Variants in CCSER1 observed in about 807,000 individuals in gnomAD.
CCSER1 encodes the protein coiled-coil serine rich protein 1, also known as serine-rich coiled-coil domain-containing protein 1.
CCSER1 carries 41 observed loss-of-function variants against 82.0 expected under a neutral mutation model. That is an observed-to-expected ratio of 0.50 (90% CI 0.39 to 0.65). The LOEUF (loss-of-function observed/expected upper bound fraction) is 0.65. Ranked by LOEUF, CCSER1 falls within the 30% of genes least tolerant of loss-of-function variation. CCSER1 has a pLI of 0.00. For synonymous variants in CCSER1, 414 were observed against 383.9 expected, an observed-to-expected ratio of 1.08 and a Z score of -0.92; for missense variants, 1,119 against 1,064.2, an observed-to-expected ratio of 1.05 and a Z score of -0.72.
At chr4:90,219,518 T>G (rs1741731039) in intron 1 of CCSER1, among the ~76,000 whole-genome samples, 1 of 152,208 alleles carries the variant, frequency 6.6e-6, no homozygotes, top group Non-Finnish European at 1.5e-5. Context: ...GTTGTCGCCT[T>G]CAAATCTACA....
In CCSER1 at chr4:91,238,384, C is replaced by T. The variant is rs534928055; in HGVS notation, c.2217+152390C>T. Among the ~76,000 whole-genome samples, 5 of 152,224 alleles carry T rather than the reference C, an allele frequency of 3.3e-5. 1 individual carries two copies. In the South Asian group the frequency reaches 1.0e-3, roughly 32 times the overall value. ...CGCTGCAAAAAAAAATGAATTTTCC[C>T]AAAGACATGAGGATGTAAATGCACT... On this transcript the variant is annotated intron_variant, in intron 10 of 10. Coordinates refer to ENST00000509176, the MANE Select transcript of CCSER1 (RefSeq NM_001145065.2).
At chr4:90,736,603 A>C (rs1745684615) in intron 7 of CCSER1, among the ~76,000 whole-genome samples, 1 of 151,440 alleles carries the variant, frequency 6.6e-6, no homozygotes, top group African/African-American at 2.4e-5. Context: ...TTACAGGTGA[A>C]ATGTGTTTCT....
intron 10 of CCSER1, among the ~76,000 whole-genome samples, chr4:91,274,182 A>T (rs551266096): frequency 3.3e-5 from 5 of 151,888 alleles, no homozygotes; most frequent in African/African-American, 4.8e-5. Flanking sequence ...TGACTTTTTA[A>T]TTTTTTTTAT....
chr4:91,105,069 G>T (rs906824611), intron 10 of CCSER1, among the ~76,000 whole-genome samples: 1 of 151,810 alleles, frequency 6.6e-6, no homozygotes, highest in African/African-American at 2.4e-5. Context: ...TTACCCTTCT[G>T]AATCTCCATT....
At chr4:91,524,693 C>T (rs1760679942) in intron 10 of CCSER1, among the ~76,000 whole-genome samples, 1 of 152,030 alleles carries the variant, frequency 6.6e-6, no homozygotes, top group Non-Finnish European at 1.5e-5. Context: ...AAGGGGAAAC[C>T]GTAGTTATTT....
At chr4:90,545,370 C>T (rs972077828) in intron 5 of CCSER1, among the ~76,000 whole-genome samples, 1 of 152,036 alleles carries the variant, frequency 6.6e-6, no homozygotes, top group Admixed American at 6.6e-5. Flanking sequence ...TTTTTTCCCT[C>T]CTAAAAACAA....
At chr4:91,208,637 T>C (rs1736544241) in intron 10 of CCSER1, among the ~76,000 whole-genome samples, 1 of 151,774 alleles carries the variant, frequency 6.6e-6, no homozygotes, top group South Asian at 2.1e-4. Context: ...TAGTATAGTT[T>C]GAAATCAGGT....
At position 91,113,878 on chromosome 4, in the gene CCSER1, A is replaced by C. The variant is rs181627654; in HGVS notation, c.2217+27884A>C. On this transcript the variant is annotated intron_variant, in intron 10 of 10. Coordinates refer to ENST00000509176, the MANE Select transcript of CCSER1 (RefSeq NM_001145065.2). ...TTTTTTTTTTTCTTTTTTGATACGGAGTCTCGCTCTGTCGCTCAGGCTGGA... is the reference window on the plus strand; with the variant it reads ...TTTTTTTTTTTCTTTTTTGATACGGCGTCTCGCTCTGTCGCTCAGGCTGGA... Among the ~76,000 whole-genome samples the C allele has an allele frequency of 5.5e-3, 818 of 148,790 alleles. 4 individuals are homozygous for C. The highest frequency in any genetic ancestry group is 0.019 in the African/African-American group (776 of 40,270).
At chr4:91,172,573 C>A (rs909587741) in intron 10 of CCSER1, among the ~76,000 whole-genome samples, 1 of 152,160 alleles carries the variant, frequency 6.6e-6, no homozygotes, top group Non-Finnish European at 1.5e-5. Flanking sequence ...ATCTCACATG[C>A]CGGGTGCTTT....
chr4:91,538,698 C>CATATATTATGTGTGTATATATATTATAT, intron 10 of CCSER1, among the ~76,000 whole-genome samples: 1 of 138,340 alleles, frequency 7.2e-6, no homozygotes, highest in East Asian at 2.1e-4. Context: ...TATATATACA[C>CATATATTATGTGTGTATATATATTATAT]ATATATATAT....
intron 4 of CCSER1, among the ~76,000 whole-genome samples, chr4:90,461,198 T>C (rs1762872111): frequency 1.5e-5 from 2 of 136,168 alleles, no homozygotes; most frequent in Non-Finnish European, 3.1e-5. Flanking sequence ...CCCAAGTAGC[T>C]GGGACTACAG....
intron 6 of CCSER1, among the ~76,000 whole-genome samples, chr4:90,722,750 T>C (rs1742898094): frequency 6.6e-6 from 1 of 151,946 alleles, no homozygotes; most frequent in Admixed American, 6.6e-5. Context: ...CCTGTGTTTA[T>C]AGTTCTTATC....
chr4:90,383,075 A>C (rs1379688011), intron 3 of CCSER1, among the ~76,000 whole-genome samples: 1 of 152,152 alleles, frequency 6.6e-6, no homozygotes, highest in African/African-American at 2.4e-5. Context: ...AGTAAGAATA[A>C]TATGAGATCA....
chr4:91,053,651 A>C (rs1743189879), intron 9 of CCSER1, among the ~76,000 whole-genome samples: 1 of 152,148 alleles, frequency 6.6e-6, no homozygotes, highest in Non-Finnish European at 1.5e-5. Flanking sequence ...AAAAGCACCC[A>C]GTTTCCATCC....
At chr4:91,009,796 T>A (rs1371705403) in intron 9 of CCSER1, among the ~76,000 whole-genome samples, 1 of 152,188 alleles carries the variant, frequency 6.6e-6, no homozygotes, top group Non-Finnish European at 1.5e-5. Flanking sequence ...TTACCCTCCC[T>A]CCCACAATTT....
chr4:91,033,061 A>C (rs1561487565), intron 9 of CCSER1, among the ~76,000 whole-genome samples: 1 of 150,782 alleles, frequency 6.6e-6, no homozygotes, highest in Non-Finnish European at 1.5e-5. Context: ...CAAATAAACA[A>C]AAAAAAAACT....
chr4:90,721,761 A>T (rs1742722200), intron 6 of CCSER1, among the ~76,000 whole-genome samples: 1 of 151,692 alleles, frequency 6.6e-6, no homozygotes, highest in African/African-American at 2.4e-5. Context: ...TACCTAAATT[A>T]CAGATCACTG....
At chr4:90,141,054 A>ATCTATCTG (rs1187451531) in intron 1 of CCSER1, among the ~76,000 whole-genome samples, 5 of 151,530 alleles carry the variant, frequency 3.3e-5, no homozygotes, top group African/African-American at 4.9e-5. Context: ...CTATCTATCT[A>ATCTATCTG]TCTATCTATT....
chr4:91,083,504 C>T (rs1356407849), intron 9 of CCSER1, among the ~76,000 whole-genome samples: 1 of 151,920 alleles, frequency 6.6e-6, no homozygotes, highest in Admixed American at 6.6e-5. Flanking sequence ...ACATGTATAC[C>T]TATGTAACAA....
Sources: gnomAD v4.1 joint callset for allele counts (sites outside exome capture counted in the v4.1 genomes callset) on GRCh38, gnomAD v4.1.1 for gene constraint, MANE v1.5 for transcripts, NCBI Gene and HGNC (gene_info 2026-07-23, HGNC 2026-07-21) for gene names.